The following ANXA8 variants were observed in gnomAD, a reference collection of about 807,000 sequenced individuals.
ANXA8 encodes the protein annexin A8.
ANXA8 carries 9 observed loss-of-function variants against 26.8 expected under a neutral mutation model. That is an observed-to-expected ratio of 0.34 (90% CI 0.20 to 0.59). The LOEUF is 0.59. ANXA8 is among the 20% of genes least tolerant of loss of function. The probability of loss-of-function intolerance (pLI) is 0.84; values close to 1 mark genes in which losing one functional copy is unlikely to be tolerated. For missense variants in ANXA8, 83 were observed against 238.5 expected, an observed-to-expected ratio of 0.35 and a Z score of 4.29; for synonymous variants, 39 against 94.8, an observed-to-expected ratio of 0.41 and a Z score of 3.42.
chr10:47,619,121 G>T, the ANXA8 span, among the ~76,000 whole-genome samples: 1 of 112,934 alleles, frequency 8.9e-6, no homozygotes, highest in South Asian at 2.8e-4. Flanking sequence ...ACTTATACAG[G>T]TATGAGAGCT....
chr10:47,565,524 A>C, the ANXA8 span: 92 of 350,232 alleles, frequency 2.6e-4, no homozygotes, highest in East Asian at 4.8e-3. Flanking sequence ...AGCTCTCTGA[A>C]AGCTGGACAG....
At chr10:47,526,078 G>A in the ANXA8 span, among the ~76,000 whole-genome samples, 16 of 134,472 alleles carry the variant, frequency 1.2e-4, no homozygotes, top group African/African-American at 4.5e-4. Flanking sequence ...AGCCAGATTC[G>A]TATATTTTTA....
chr10:47,577,224 CAAA>C, the ANXA8 span, among the ~76,000 whole-genome samples: 2,775 of 110,842 alleles, frequency 0.025, 160 homozygotes, highest in African/African-American at 0.088. Context: ...GACTCCATCT[CAAA>C]AAAAAAAAAA....
chr10:47,955,625 T>A, the ANXA8 span, among the ~76,000 whole-genome samples: 3 of 147,896 alleles, frequency 2.0e-5, no homozygotes, highest in Admixed American at 6.7e-5. Flanking sequence ...AGACAAAAAG[T>A]AGTGCACCTC....
At chr10:47,689,630 A>G in the ANXA8 span, 28 of 528,896 alleles carry the variant, frequency 5.3e-5, no homozygotes, top group Non-Finnish European at 7.4e-5. Flanking sequence ...CTTTTGGTAC[A>G]TTATTAAGTT....
At chr10:47,566,530 C>A in the ANXA8 span, among the ~76,000 whole-genome samples, 1 of 150,552 alleles carries the variant, frequency 6.6e-6, no homozygotes, top group Admixed American at 6.6e-5. Context: ...CAGAGAGGTG[C>A]GGCCAGCCCT....
At chr10:47,895,008 A>G in the ANXA8 span, among the ~76,000 whole-genome samples, 1 of 76,390 alleles carries the variant, frequency 1.3e-5, no homozygotes, top group Non-Finnish European at 3.3e-5. Context: ...CACACATACC[A>G]CACAACACGC....
At chr10:47,614,189 C>A in the ANXA8 span, among the ~76,000 whole-genome samples, 15 of 74,718 alleles carry the variant, frequency 2.0e-4, 5 homozygotes, top group African/African-American at 5.7e-4. Flanking sequence ...ATTCACTTTT[C>A]CTGTTTCAGG....
the ANXA8 span, among the ~76,000 whole-genome samples, chr10:47,685,368 G>GAA: frequency 2.8e-4 from 41 of 145,462 alleles, no homozygotes; most frequent in East Asian, 1.9e-3. Context: ...AAAAGAAAAA[G>GAA]AAAAAAAAAC....
chr10:47,672,244 T>C, the ANXA8 span, among the ~76,000 whole-genome samples: 1 of 150,326 alleles, frequency 6.7e-6, no homozygotes, highest in Non-Finnish European at 1.5e-5. Flanking sequence ...TGTCTTATTC[T>C]ATTGTGAAGA....
chr10:47,558,206 G>A, the ANXA8 span, among the ~76,000 whole-genome samples: 1 of 151,922 alleles, frequency 6.6e-6, no homozygotes, highest in Non-Finnish European at 1.5e-5. Flanking sequence ...ACGTCATTCT[G>A]TCCCTAGCCC....
the ANXA8 span, among the ~76,000 whole-genome samples, chr10:47,705,921 C>A: frequency 1.3e-5 from 2 of 149,980 alleles, no homozygotes; most frequent in African/African-American, 4.9e-5. Flanking sequence ...ACGCACCCCC[C>A]GCGTATTTCG....
chr10:47,948,094 G>C, the ANXA8 span, among the ~76,000 whole-genome samples: 2 of 148,794 alleles, frequency 1.3e-5, no homozygotes, highest in African/African-American at 2.5e-5. Context: ...CTTTCCTTCA[G>C]TCAAAGCTTC....
chr10:47,744,272 G>A, the ANXA8 span, among the ~76,000 whole-genome samples: 1 of 150,070 alleles, frequency 6.7e-6, no homozygotes, highest in African/African-American at 2.5e-5. Flanking sequence ...GGTAATATGT[G>A]ATAATGACAG....
At chr10:47,513,402 T>G in the ANXA8 span, among the ~76,000 whole-genome samples, 4 of 141,838 alleles carry the variant, frequency 2.8e-5, no homozygotes, top group African/African-American at 1.0e-4. Context: ...CACAGACAAA[T>G]GGAAAGACAC....
chr10:47,929,909 C>T, the ANXA8 span, among the ~76,000 whole-genome samples: 2 of 152,024 alleles, frequency 1.3e-5, no homozygotes, highest in Admixed American at 6.6e-5. Flanking sequence ...TAGTCAGGTG[C>T]CTCTACAACT....
chr10:47,515,789 G>A, the ANXA8 span, among the ~76,000 whole-genome samples: 1 of 133,026 alleles, frequency 7.5e-6, no homozygotes, highest in Non-Finnish European at 1.6e-5. Flanking sequence ...CTTCAGTAAA[G>A]ATCCCCAGAT....
the ANXA8 span, among the ~76,000 whole-genome samples, chr10:47,575,278 A>C: frequency 1.5e-5 from 2 of 130,080 alleles, no homozygotes; most frequent in East Asian, 4.1e-4. Flanking sequence ...AGAAAGAAAG[A>C]AAAGTAAATC....
chr10:47,656,166 G>T, the ANXA8 span, among the ~76,000 whole-genome samples: 8 of 151,700 alleles, frequency 5.3e-5, no homozygotes, highest in Non-Finnish European at 1.2e-4. Context: ...GGAGGCCGAG[G>T]TGGGCAGCTG....
Sources: gnomAD v4.1 joint callset for allele counts (sites outside exome capture counted in the v4.1 genomes callset) on GRCh38, gnomAD v4.1.1 for gene constraint, MANE v1.5 for transcripts, NCBI Gene and HGNC (gene_info 2026-07-23, HGNC 2026-07-21) for gene names.